The following MAP2K1 variants were observed in gnomAD, a reference collection of about 807,000 sequenced individuals.
The protein encoded by MAP2K1 is mitogen-activated protein kinase kinase 1, also known as dual specificity mitogen-activated protein kinase kinase 1.
In MAP2K1, 16 loss-of-function variants were observed where a neutral mutation model predicts 46.3. The observed-to-expected ratio is 0.35, with a 90% CI of 0.23 to 0.52. MAP2K1 has a LOEUF of 0.52. MAP2K1 is among the 20% of genes least tolerant of loss of function. The pLI, the probability that MAP2K1 is intolerant of heterozygous loss-of-function variation, is 0.94. For synonymous variants in MAP2K1, 183 were observed against 185.6 expected, an observed-to-expected ratio of 0.99 and a Z score of 0.11; for missense variants, 263 against 497.1, an observed-to-expected ratio of 0.53 and a Z score of 4.48.
At chr15:66,411,467 G>A (rs2140537921) in intron 1 of MAP2K1, among the ~76,000 whole-genome samples, 1 of 152,310 alleles carries the variant, frequency 6.6e-6, no homozygotes, top group Admixed American at 6.5e-5. Context: ...AAGTGAAGAG[G>A]AAGAGCTTGG....
chr15:66,438,155 C>T (rs1223784296), intron 3 of MAP2K1, among the ~76,000 whole-genome samples: 11 of 150,236 alleles, frequency 7.3e-5, no homozygotes, highest in African/African-American at 2.2e-4. Context: ...GGCGCGATGT[C>T]GGCTCACTGC....
intron 5 of MAP2K1, among the ~76,000 whole-genome samples, chr15:66,465,387 C>T (rs1037417459): frequency 2.0e-5 from 3 of 152,090 alleles, no homozygotes; most frequent in African/African-American, 4.8e-5. Flanking sequence ...GTGGGGTACA[C>T]GACTGGGGGC....
chr15:66,482,444 C>T (rs1456762772), intron 6 of MAP2K1, among the ~76,000 whole-genome samples: 2 of 152,212 alleles, frequency 1.3e-5, no homozygotes, highest in Non-Finnish European at 1.5e-5. Flanking sequence ...TGTACCCCTC[C>T]TTCTAACTGC....
intron 4 of MAP2K1, among the ~76,000 whole-genome samples, chr15:66,443,810 A>T (rs1595865359): frequency 6.6e-6 from 1 of 152,202 alleles, no homozygotes; most frequent in Non-Finnish European, 1.5e-5. Flanking sequence ...GCAGTAAGCC[A>T]TAATCCATGA....
At position 66,478,971 on chromosome 15, in the gene MAP2K1, A is replaced by AG. The variant is rs1212842471; in HGVS notation, c.569-2784_569-2783insG. Among the ~76,000 whole-genome samples, 7 of 152,288 alleles carry AG rather than the reference A, an allele frequency of 4.6e-5. No homozygotes were observed. The East Asian group carries it at 1.4e-3, about 29-fold the overall frequency. On this transcript the variant is annotated intron_variant, in intron 5 of 10. Coordinates refer to ENST00000307102, the MANE Select transcript of MAP2K1 (RefSeq NM_002755.4). The stretch of plus-strand genomic sequence containing the variant: ...GACAGTAGGTGATGACCGTTAGAGC[A>AG]TGGCAGCAGGGTGGGTAGAAGAGGA...
At chr15:66,482,648 C>T (rs946632442) in intron 6 of MAP2K1, among the ~76,000 whole-genome samples, 2 of 152,208 alleles carry the variant, frequency 1.3e-5, no homozygotes, top group Non-Finnish European at 2.9e-5. Flanking sequence ...GGGACAGGGA[C>T]AAGGTGTCTC....
chr15:66,417,897 T>C (rs2093428260), intron 1 of MAP2K1, among the ~76,000 whole-genome samples: 1 of 152,178 alleles, frequency 6.6e-6, no homozygotes, highest in African/African-American at 2.4e-5. Context: ...CCCTTGGGTG[T>C]GCTTCTGGGC....
At chr15:66,399,645 G>A (rs1301200943) in intron 1 of MAP2K1, among the ~76,000 whole-genome samples, 1 of 152,080 alleles carries the variant, frequency 6.6e-6, no homozygotes, top group Non-Finnish European at 1.5e-5. Flanking sequence ...CGCCCAGGCT[G>A]GAGTGCAGTG....
At chr15:66,428,972 G>A (rs1168365454) in intron 1 of MAP2K1, among the ~76,000 whole-genome samples, 2 of 151,678 alleles carry the variant, frequency 1.3e-5, no homozygotes, top group African/African-American at 2.4e-5. Context: ...TAGAGATGGG[G>A]TTTCACTATG....
intron 5 of MAP2K1, among the ~76,000 whole-genome samples, chr15:66,463,976 T>C (rs1892397136): frequency 6.6e-6 from 1 of 152,222 alleles, no homozygotes; most frequent in African/African-American, 2.4e-5. Context: ...CAGTCAGATA[T>C]GCATTTATCT....
At chr15:66,482,005 A>G in intron 6 of MAP2K1, 126 bp downstream of exon 6, 1 of 1,176,832 alleles carries the variant, frequency 8.5e-7, no homozygotes, top group African/African-American at 1.5e-5. Flanking sequence ...GAGGAGGCAC[A>G]GTGCTCTGCC....
At chr15:66,387,856 T>C (rs1479335099) in intron 1 of MAP2K1, among the ~76,000 whole-genome samples, 2 of 152,176 alleles carry the variant, frequency 1.3e-5, no homozygotes, top group Non-Finnish European at 2.9e-5. Context: ...GTATTAAGTG[T>C]GGAGCATCAT....
chr15:66,395,886 G>C (rs1346930487), intron 1 of MAP2K1, among the ~76,000 whole-genome samples: 1 of 151,738 alleles, frequency 6.6e-6, no homozygotes, highest in Non-Finnish European at 1.5e-5. Context: ...TTTTATTTTT[G>C]TTTTATACTT....
chr15:66,474,853 G>T (rs1206439603), intron 5 of MAP2K1, among the ~76,000 whole-genome samples: 1 of 151,344 alleles, frequency 6.6e-6, no homozygotes, highest in Non-Finnish European at 1.5e-5. Flanking sequence ...GCAGTGAGCT[G>T]AGATCATGCC....
At chr15:66,427,012 C>A (rs760377522) in intron 1 of MAP2K1, among the ~76,000 whole-genome samples, 13 of 152,236 alleles carry the variant, frequency 8.5e-5, no homozygotes, top group Non-Finnish European at 1.3e-4. Flanking sequence ...TTTTGTTTTT[C>A]CTTTGAGAAT....
At chr15:66,472,670 T>A (rs142549286) in intron 5 of MAP2K1, among the ~76,000 whole-genome samples, 34 of 151,858 alleles carry the variant, frequency 2.2e-4, no homozygotes, top group African/African-American at 7.5e-4. Context: ...AAGGAATGCC[T>A]GACATCTGTC....
chr15:66,430,995 T>C (rs2093473663), intron 1 of MAP2K1, among the ~76,000 whole-genome samples: 2 of 152,218 alleles, frequency 1.3e-5, no homozygotes, highest in Non-Finnish European at 2.9e-5. Flanking sequence ...GATGCAGAAT[T>C]CACATTACAG....
At chr15:66,424,342 G>A (rs1472985353) in intron 1 of MAP2K1, among the ~76,000 whole-genome samples, 1 of 152,222 alleles carries the variant, frequency 6.6e-6, no homozygotes, top group Non-Finnish European at 1.5e-5. Context: ...ACAGGCATGA[G>A]CCACCGTGTC....
chr15:66,437,370 A>G (rs911219204), intron 3 of MAP2K1, among the ~76,000 whole-genome samples: 2 of 152,228 alleles, frequency 1.3e-5, no homozygotes, highest in African/African-American at 4.8e-5. Context: ...TTCATGGGCT[A>G]ATTAATCATA....
Sources: allele counts gnomAD v4.1 joint callset (sites outside exome capture counted in the v4.1 genomes callset), GRCh38; gene constraint gnomAD v4.1.1; transcripts MANE v1.5; gene names NCBI Gene and HGNC (gene_info 2026-07-23, HGNC 2026-07-21).